The following NXN variants were observed in gnomAD, a reference collection of about 807,000 sequenced individuals.
NXN encodes nucleoredoxin 1.
A neutral mutation model predicts 48.6 loss-of-function variants in NXN; 16 were observed. That is an observed-to-expected ratio of 0.33 (90% CI 0.22 to 0.50). NXN has a LOEUF of 0.50. NXN is among the 20% of genes least tolerant of loss of function. NXN has a pLI of 0.98. For synonymous variants in NXN, 281 were observed against 269.6 expected, an observed-to-expected ratio of 1.04 and a Z score of -0.41; for missense variants, 492 against 605.5, an observed-to-expected ratio of 0.81 and a Z score of 1.97.
In NXN at chr17:889,761, A is replaced by AAAAG. The variant is rs758144919; in HGVS notation, c.361-63687_361-63684dup. ...AAAGAAAGAAAGAAAGAAAGAAAGA[A>AAAAG]AAAGAAAGAAAGAAAAGAGAGAGAA... On this transcript the variant is annotated intron_variant, in intron 1 of 7. Transcript: ENST00000336868. Among the ~76,000 whole-genome samples the AAAAG allele has an allele frequency of 1.9e-3, 133 of 70,822 alleles. 5 individuals carry two copies. The highest frequency in any genetic ancestry group is 8.1e-3 in the African/African-American group (126 of 15,506). The allele number at this position is 70,822 out of a possible 152,430, so 46.5% of individuals were successfully genotyped here. A position where few individuals can be genotyped will look rare whatever the true frequency, so the allele number is the denominator to read the frequency against.
intron 1 of NXN, among the ~76,000 whole-genome samples, chr17:967,977 A>G (rs981708802): frequency 6.6e-6 from 1 of 152,236 alleles, no homozygotes; most frequent in African/African-American, 2.4e-5. Flanking sequence ...GTCTCAAAAA[A>G]AAAAAAAAAT....
rs12601337 is a variant in NXN, at chr17:836,033, A to G, written c.361-9955T>C. ...ATTCGTCAGCCCCCACAGAGGCCGC[A>G]GGGGAAAAACACCGGTGGGATTCGT... On this transcript the variant is annotated intron_variant, in intron 1 of 7. Coordinates refer to ENST00000336868, the MANE Select transcript of NXN (RefSeq NM_022463.5). 4.4e-3 allele frequency among the ~76,000 whole-genome samples: 362 copies of G among 83,198 alleles called. 9 individuals are homozygous for G. Among genetic ancestry groups the G allele is most frequent in the East Asian group, 0.016 (39 of 2,402 alleles). The allele number at this position is 83,198 out of a possible 152,430, so 54.6% of individuals were successfully genotyped here. A position where few individuals can be genotyped will look rare whatever the true frequency, so the allele number is the denominator to read the frequency against.
intron 1 of NXN, among the ~76,000 whole-genome samples, chr17:974,690 A>G (rs979719014): frequency 1.3e-5 from 2 of 152,042 alleles, no homozygotes; most frequent in Admixed American, 1.3e-4. Context: ...AAAAGACTCT[A>G]TATTTTTAGC....
At chr17:896,388 G>T (rs2068486587) in intron 1 of NXN, among the ~76,000 whole-genome samples, 1 of 151,390 alleles carries the variant, frequency 6.6e-6, no homozygotes, top group Non-Finnish European at 1.5e-5. Context: ...GCGTGTGCCT[G>T]CAGTCCTAAC....
chr17:854,226 C>A (rs928790318), intron 1 of NXN, among the ~76,000 whole-genome samples: 2 of 152,212 alleles, frequency 1.3e-5, no homozygotes, highest in African/African-American at 4.8e-5. Context: ...ACCGTACTCG[C>A]TCTTCTCACT....
intron 1 of NXN, among the ~76,000 whole-genome samples, chr17:842,982 GAGAAAGAGAGAA>G (rs1914425520): frequency 2.8e-5 from 3 of 107,180 alleles, no homozygotes; most frequent in African/African-American, 1.1e-4. Flanking sequence ...GAGAGAAAGA[GAGAAAGAGAGAA>G]AGAGAGAAAG....
chr17:915,499 G>C (rs1567861066), intron 1 of NXN, among the ~76,000 whole-genome samples: 1 of 151,406 alleles, frequency 6.6e-6, no homozygotes, highest in Non-Finnish European at 1.5e-5. Context: ...TGCCCAGACT[G>C]GTCTCAAACT....
intron 1 of NXN, among the ~76,000 whole-genome samples, chr17:940,192 C>T (rs1286110422): frequency 6.6e-6 from 1 of 151,838 alleles, no homozygotes; most frequent in Non-Finnish European, 1.5e-5. Flanking sequence ...CTTCTGCCTC[C>T]CAAAGTGCTG....
chr17:927,846 C>G (rs1344247341), intron 1 of NXN, among the ~76,000 whole-genome samples: 2 of 152,066 alleles, frequency 1.3e-5, no homozygotes, highest in African/African-American at 4.8e-5. Context: ...CCACTCGCCC[C>G]CTCACCAGCT....
At chr17:965,759 G>A (rs912733601) in intron 1 of NXN, among the ~76,000 whole-genome samples, 5 of 152,108 alleles carry the variant, frequency 3.3e-5, no homozygotes, top group East Asian at 1.9e-4. Flanking sequence ...GGGCTTTGAT[G>A]ACTGTAGGTG....
intron 1 of NXN, chr17:842,603 C>T: frequency 1.0e-6 from 1 of 982,920 alleles, no homozygotes. Flanking sequence ...TTCCAGGAGT[C>T]ACTCCCCAGG....
At chr17:841,732 G>A (rs1478323805) in intron 1 of NXN, among the ~76,000 whole-genome samples, 1 of 150,332 alleles carries the variant, frequency 6.7e-6, no homozygotes, top group African/African-American at 2.5e-5. Context: ...ACAAAGGAAA[G>A]GGAGAGCCCA....
chr17:853,808 T>C (rs2067954471), intron 1 of NXN, among the ~76,000 whole-genome samples: 1 of 150,200 alleles, frequency 6.7e-6, no homozygotes, highest in Non-Finnish European at 1.5e-5. Context: ...CTGCAACCTC[T>C]GCCTCCCCGG....
chr17:812,918 G>C (rs1358467337), intron 5 of NXN, among the ~76,000 whole-genome samples: 2 of 64,184 alleles, frequency 3.1e-5, no homozygotes, highest in Non-Finnish European at 7.2e-5. Flanking sequence ...GTGACTGTAG[G>C]TGTGTGCGTG....
At chr17:896,066 A>G (rs1337730891) in intron 1 of NXN, among the ~76,000 whole-genome samples, 1 of 151,604 alleles carries the variant, frequency 6.6e-6, no homozygotes, top group Non-Finnish European at 1.5e-5. Context: ...TAGGCTGGGC[A>G]TGGTGGCTTA....
At chr17:815,869 T>C (rs1016584038) in intron 5 of NXN, among the ~76,000 whole-genome samples, 7 of 152,284 alleles carry the variant, frequency 4.6e-5, no homozygotes, top group East Asian at 1.9e-4. Context: ...TGCACACACG[T>C]GCACACACAG....
chr17:879,295 G>GT (rs762029954), intron 1 of NXN, among the ~76,000 whole-genome samples: 108 of 60,372 alleles, frequency 1.8e-3, no homozygotes, highest in East Asian at 4.4e-3. Flanking sequence ...TTGGTTTTTT[G>GT]TTTTTTTTTT....
At chr17:816,017 T>C (rs1912450595) in intron 5 of NXN, among the ~76,000 whole-genome samples, 1 of 152,102 alleles carries the variant, frequency 6.6e-6, no homozygotes, top group South Asian at 2.1e-4. Flanking sequence ...CCAGGATATC[T>C]CTGTATGGAG....
At chr17:850,529 G>A (rs1330271819) in intron 1 of NXN, among the ~76,000 whole-genome samples, 2 of 152,188 alleles carry the variant, frequency 1.3e-5, no homozygotes, top group Non-Finnish European at 2.9e-5. Flanking sequence ...ATGCCATTTT[G>A]TGAGTTCCCA....
Sources: allele counts gnomAD v4.1 joint callset (sites outside exome capture counted in the v4.1 genomes callset), GRCh38; gene constraint gnomAD v4.1.1; transcripts MANE v1.5; gene names NCBI Gene and HGNC (gene_info 2026-07-23, HGNC 2026-07-21).